The following PTPN14 variants were observed in gnomAD, a reference collection of about 807,000 sequenced individuals.
PTPN14 encodes tyrosine-protein phosphatase non-receptor type 14.
In PTPN14, 53 loss-of-function variants were observed where a neutral mutation model predicts 126.8. The observed-to-expected ratio is 0.42, with a 90% CI of 0.34 to 0.53. The LOEUF (loss-of-function observed/expected upper bound fraction) is 0.53. PTPN14 is among the 20% of genes least tolerant of loss of function. The pLI is 0.08. For synonymous variants in PTPN14, 630 were observed against 599.3 expected (o/e 1.05, Z -0.75); for missense variants, 1,257 against 1,552.9 (o/e 0.81, Z 3.20).
intron 1 of PTPN14, among the ~76,000 whole-genome samples, chr1:214,475,915 G>A (rs1050768751): frequency 3.3e-5 from 5 of 152,130 alleles, no homozygotes; most frequent in South Asian, 4.2e-4. Context: ...CTGATATGAC[G>A]CAGAAAGAGG....
Position 214,383,254 on chromosome 1 carries a change from GTGCCTGAAGCA to G in PTPN14, c.2544+46_2544+56del. On this transcript the variant is annotated intron_variant, in intron 13 of 18. Coordinates refer to ENST00000366956, the MANE Select transcript of PTPN14 (RefSeq NM_005401.5). The surrounding 1 kb of genome is among the most constrained non-coding windows in gnomAD (Gnocchi z 4.4). ...CTGCATAAGCCCTGCCCCTTGCTCA[GTGCCTGAAGCA>G]TGTGCTTTCACACTGGAAAATGCCC... 1 of 1,565,274 alleles carries G rather than the reference GTGCCTGAAGCA, an allele frequency of 6.4e-7. No individual in the cohort carries two copies. The highest frequency in any genetic ancestry group is 1.4e-5 in the African/African-American group (1 of 74,044).
At chr1:214,371,833 A>C (rs1265016879) in intron 16 of PTPN14, among the ~76,000 whole-genome samples, 1 of 152,158 alleles carries the variant, frequency 6.6e-6, no homozygotes, top group Non-Finnish European at 1.5e-5. Flanking sequence ...CTGTGCTGAG[A>C]AGCAAATGCT....
Position 214,435,259 on chromosome 1 carries a change from T to C in PTPN14, c.344+16546A>G, listed in dbSNP as rs181819451. Among the ~76,000 whole-genome samples, 1,338 of 151,678 alleles carry C rather than the reference T, an allele frequency of 8.8e-3. 11 individuals carry two copies. Among genetic ancestry groups the C allele is most frequent in the Middle Eastern group, 0.027 (8 of 294 alleles). On this transcript the variant is annotated intron_variant, in intron 3 of 18. Coordinates refer to ENST00000366956, the MANE Select transcript of PTPN14 (RefSeq NM_005401.5). Reference sequence around the variant, plus strand: ...TGTCTGCTGTGTGTGTGTGTGCGTGTGTGTGTGTGTGTGTTGAGATAAAAT... The same window carrying C: ...TGTCTGCTGTGTGTGTGTGTGCGTGCGTGTGTGTGTGTGTTGAGATAAAAT...
intron 1 of PTPN14, among the ~76,000 whole-genome samples, chr1:214,489,504 A>G (rs1156764844): frequency 6.6e-6 from 1 of 152,066 alleles, no homozygotes; most frequent in East Asian, 1.9e-4. Flanking sequence ...GTCAACTCCT[A>G]TTTGTCTTTC....
chr1:214,375,973 T>C (rs1173168579), intron 15 of PTPN14, among the ~76,000 whole-genome samples: 1 of 152,176 alleles, frequency 6.6e-6, no homozygotes. Context: ...AAAGCCTCTG[T>C]AATGAGCGAG....
intron 1 of PTPN14, among the ~76,000 whole-genome samples, chr1:214,488,598 C>T (rs1661166984): frequency 6.6e-6 from 1 of 152,168 alleles, no homozygotes; most frequent in Non-Finnish European, 1.5e-5. Flanking sequence ...CCAGAACATT[C>T]AGGAGCATCA....
chr1:214,396,479 AGAG>A (rs1658882477), intron 8 of PTPN14, among the ~76,000 whole-genome samples: 1 of 152,190 alleles, frequency 6.6e-6, no homozygotes, highest in Admixed American at 6.5e-5. Context: ...GAAGGTCTCT[AGAG>A]ATAAGAGATA....
At chr1:214,510,984 T>A (rs769109041) in intron 1 of PTPN14, among the ~76,000 whole-genome samples, 1 of 151,916 alleles carries the variant, frequency 6.6e-6, no homozygotes, top group Non-Finnish European at 1.5e-5. Flanking sequence ...CTCAAGCAAG[T>A]CTCCCACCTC....
chr1:214,427,251 T>C (rs1659688345), intron 3 of PTPN14, among the ~76,000 whole-genome samples: 1 of 133,936 alleles, frequency 7.5e-6, no homozygotes. Context: ...GCACTCCAGC[T>C]TGGCGACAGA....
intron 2 of PTPN14, among the ~76,000 whole-genome samples, chr1:214,454,127 T>C (rs973118255): frequency 6.6e-6 from 1 of 152,170 alleles, no homozygotes; most frequent in Admixed American, 6.6e-5. Context: ...TTATGTAATA[T>C]ATGTAATTAA....
chr1:214,375,143 T>C (rs1219739035), intron 15 of PTPN14, among the ~76,000 whole-genome samples: 2 of 152,320 alleles, frequency 1.3e-5, no homozygotes, highest in Non-Finnish European at 2.9e-5. Context: ...TTAAAAACTA[T>C]GGTTATCTGT....
At chr1:214,398,634 T>TTTTTTTTTC in intron 7 of PTPN14, among the ~76,000 whole-genome samples, 1 of 147,738 alleles carries the variant, frequency 6.8e-6, no homozygotes, top group Non-Finnish European at 1.5e-5. Context: ...TTTTTTTTTT[T>TTTTTTTTTC]TTACAGACAG....
chr1:214,434,003 A>G (rs961259640), intron 3 of PTPN14, among the ~76,000 whole-genome samples: 1 of 149,068 alleles, frequency 6.7e-6, no homozygotes, highest in Non-Finnish European at 1.5e-5. Flanking sequence ...ATGGTGGTGC[A>G]TGCCTGTGCT....
At position 214,357,984 on chromosome 1, in the gene PTPN14, C is replaced by T. The variant is rs766848166; in HGVS notation, c.3502G>A (p.Ala1168Thr). The change falls in exon 19 of 19, where the codon GCT becomes ACT. Residue 1168 changes from alanine to threonine, a missense_variant. Ala to Thr is a moderately conservative substitution (Grantham distance 58). Transcript: ENST00000366956. ...EQRMFMIQTIAQYKFVYQVLI... is the reference protein window; with the variant it reads ...EQRMFMIQTITQYKFVYQVLI... Reference sequence around the variant, plus strand: ...ACTTGGTAGACAAACTTGTACTGAGCGATAGTCTGGATCATGAACATCCTC... The same window carrying T: ...ACTTGGTAGACAAACTTGTACTGAGTGATAGTCTGGATCATGAACATCCTC... 3 of 1,613,366 alleles carry T rather than the reference C, an allele frequency of 1.9e-6. No individual in the cohort carries two copies. The highest frequency in any genetic ancestry group is 2.2e-5 in the East Asian group (1 of 44,848).
intron 3 of PTPN14, among the ~76,000 whole-genome samples, chr1:214,427,241 GCACTCCAGCTTGGCGA>G (rs951160966): frequency 1.6e-5 from 2 of 126,130 alleles, no homozygotes; most frequent in Admixed American, 2.0e-4. Context: ...TCGTGCCACT[GCACTCCAGCTTGGCGA>G]CAGAGTGAGT....
chr1:214,455,591 G>A (rs1474807479), intron 2 of PTPN14, among the ~76,000 whole-genome samples: 1 of 152,124 alleles, frequency 6.6e-6, no homozygotes, highest in Non-Finnish European at 1.5e-5. Context: ...GATGAGAAAA[G>A]AAGACAGAAG....
At chr1:214,391,646 G>A (rs772202430) in intron 10 of PTPN14, among the ~76,000 whole-genome samples, 6 of 148,346 alleles carry the variant, frequency 4.0e-5, no homozygotes, top group Non-Finnish European at 5.9e-5. Context: ...AATCAAAGAC[G>A]CCTTCAAGCA....
At chr1:214,535,390 A>G (rs1191312247) in intron 1 of PTPN14, among the ~76,000 whole-genome samples, 1 of 152,184 alleles carries the variant, frequency 6.6e-6, no homozygotes, top group Admixed American at 6.5e-5. Flanking sequence ...TTATTATTCA[A>G]CCTTTCACAT....
At chr1:214,489,375 T>A (rs920758190) in intron 1 of PTPN14, among the ~76,000 whole-genome samples, 3 of 152,036 alleles carry the variant, frequency 2.0e-5, no homozygotes, top group African/African-American at 7.2e-5. Flanking sequence ...CCCACCCTTT[T>A]CCCATATGCG....
Sources: allele counts gnomAD v4.1 joint callset (sites outside exome capture counted in the v4.1 genomes callset), GRCh38; gene constraint gnomAD v4.1.1; non-coding constraint Gnocchi (gnomAD v3.1); transcripts MANE v1.5; gene names NCBI Gene and HGNC (gene_info 2026-07-23, HGNC 2026-07-21).